Variants in HLF observed in about 807,000 individuals in gnomAD.
The protein encoded by HLF is hepatic leukemia factor.
HLF carries 3 observed loss-of-function variants against 22.6 expected under a neutral mutation model. That is an observed-to-expected ratio of 0.13 (90% CI 0.06 to 0.34). The LOEUF is 0.34. Ranked by LOEUF, HLF falls within the 10% of genes least tolerant of loss-of-function variation. The pLI, the probability that HLF is intolerant of heterozygous loss-of-function variation, is 1.00. For synonymous variants in HLF, 151 were observed against 151.8 expected (o/e 0.99, Z 0.04); for missense variants, 299 against 389.2 (o/e 0.77, Z 1.95).
chr17:55,309,886 C>G (rs193127887), intron 2 of HLF, among the ~76,000 whole-genome samples: 1 of 152,284 alleles, frequency 6.6e-6, no homozygotes, highest in East Asian at 1.9e-4. Flanking sequence ...GACTTTGATG[C>G]AGACATCAAT....
intron 2 of HLF, among the ~76,000 whole-genome samples, chr17:55,277,896 A>G (rs189987353): frequency 1.3e-5 from 2 of 152,318 alleles, no homozygotes; most frequent in African/African-American, 4.8e-5. Flanking sequence ...TGTGGTGGGT[A>G]CAGACTCCAT....
At chr17:55,270,698 T>C (rs2080844471) in intron 2 of HLF, among the ~76,000 whole-genome samples, 2 of 144,988 alleles carry the variant, frequency 1.4e-5, no homozygotes, top group Admixed American at 1.4e-4. Context: ...TCTCGCTCTG[T>C]CGCCCAGGCT....
rs1490953933 is a variant in HLF, at chr17:55,292,906, TG to T, written c.452-22320del. ...AAGCCATTCACAGGAAGACAAATAT[TG>T]TATGTTCTTATTCAAATTGGGAGCT... On this transcript the variant is annotated intron_variant, in intron 2 of 3. Coordinates refer to ENST00000226067, the MANE Select transcript of HLF (RefSeq NM_002126.5). 1.1e-3 allele frequency among the ~76,000 whole-genome samples: 173 copies of T among 152,274 alleles called. 2 individuals carry two copies. Among genetic ancestry groups the T allele is most frequent in the Non-Finnish European group, 1.8e-4 (12 of 68,032 alleles).
In HLF at chr17:55,265,567, A is replaced by G. The variant is rs1293787170; in HGVS notation, c.83A>G (p.Asn28Ser). 3 of 1,605,168 alleles carry G rather than the reference A, an allele frequency of 1.9e-6. No individual in the cohort carries two copies. Among genetic ancestry groups the G allele is most frequent in the Non-Finnish European group, 2.6e-6 (3 of 1,176,182 alleles). Residue 28 changes from asparagine (N) to serine (S), a missense_variant, in exon 1 of 4, where the codon AAC (asparagine) becomes AGC (serine). Physicochemically the swap from Asn to Ser is conservative, Grantham distance 46. Around this residue, in one of 3 missense-constraint regions of HLF, gnomAD observed 72 missense variants for 74.0 expected, o/e 0.97. Transcript: ENST00000226067. ...PYGVLRSLLENPLKLPLHHED... is the reference protein window; with the variant it reads ...PYGVLRSLLESPLKLPLHHED... ...GGCGTGCTCAGGTCCCTGCTGGAGA[A>G]CCCGCTGAAGCTCCCCCTTCACCAC... is the stretch of plus-strand genomic sequence containing the variant.
At chr17:55,285,321 T>C (rs2080994694) in intron 2 of HLF, among the ~76,000 whole-genome samples, 1 of 152,192 alleles carries the variant, frequency 6.6e-6, no homozygotes, top group African/African-American at 2.4e-5. Context: ...AGGACTTTGG[T>C]CTGTAGCCAC....
chr17:55,284,219 TAATC>T (rs1162296860), intron 2 of HLF, among the ~76,000 whole-genome samples: 1 of 152,198 alleles, frequency 6.6e-6, no homozygotes, highest in Non-Finnish European at 1.5e-5. Context: ...ACCAGGGAAA[TAATC>T]AACCAGTTGC....
At chr17:55,297,091 T>C (rs2081117602) in intron 2 of HLF, among the ~76,000 whole-genome samples, 1 of 152,220 alleles carries the variant, frequency 6.6e-6, no homozygotes, top group South Asian at 2.1e-4. Flanking sequence ...ATGTGGTTAA[T>C]TGGGAGAAAT....
intron 2 of HLF, among the ~76,000 whole-genome samples, chr17:55,284,739 G>A (rs884206): frequency 3.9e-5 from 6 of 152,024 alleles, no homozygotes; most frequent in African/African-American, 1.5e-4. Context: ...AAGTTACCTG[G>A]GTCCTGGTGC....
chr17:55,317,838 C>T (rs1057218052), intron 3 of HLF, among the ~76,000 whole-genome samples: 4 of 152,152 alleles, frequency 2.6e-5, no homozygotes, highest in Non-Finnish European at 4.4e-5. Flanking sequence ...AGCATGCATG[C>T]GCTGGAGAAA....
At chr17:55,298,497 A>G (rs1427879703) in intron 2 of HLF, among the ~76,000 whole-genome samples, 1 of 152,222 alleles carries the variant, frequency 6.6e-6, no homozygotes, top group Non-Finnish European at 1.5e-5. Flanking sequence ...AGGTTTCTCC[A>G]TAGACTACAT....
In HLF at chr17:55,315,368, G is replaced by A. The variant is rs756544740; in HGVS notation, c.593G>A (p.Arg198His). 33 of 1,613,992 alleles carry A rather than the reference G, an allele frequency of 2.0e-5. No homozygotes were observed. Among genetic ancestry groups the A allele is most frequent in the Non-Finnish European group, 2.7e-5 (32 of 1,180,008 alleles). Residue 198 changes from arginine (R) to histidine (H), a missense_variant, in exon 3 of 4, where the codon CGC becomes CAC. Coordinates refer to ENST00000226067, the MANE Select transcript of HLF (RefSeq NM_002126.5). ...CAGGAAATGTTTGACCCTCGCAAAC[G>A]CAAGTTCTCTGAGGAAGAACTGAAG... The part of the protein sequence containing the change: ...PGQEMFDPRK[R>H]KFSEEELKPQ...
At chr17:55,293,023 G>C (rs1034835875) in intron 2 of HLF, among the ~76,000 whole-genome samples, 6 of 152,162 alleles carry the variant, frequency 3.9e-5, no homozygotes, top group Non-Finnish European at 8.8e-5. Flanking sequence ...GATTTAGAGA[G>C]GTTAGTTAAG....
intron 2 of HLF, 136 bp downstream of exon 2, chr17:55,268,222 T>C: frequency 1.7e-6 from 1 of 600,510 alleles, no homozygotes; most frequent in Non-Finnish European, 2.8e-6. Context: ...TCTGCTCCAC[T>C]CCTGGCAGAG....
At position 55,322,921 on chromosome 17, in the gene HLF, T is replaced by A; in HGVS notation, c.*2042T>A. 4.4e-6 allele frequency: 1 copy of A among 225,878 alleles called. No homozygotes were observed. The highest frequency in any genetic ancestry group is 8.8e-6 in the Non-Finnish European group (1 of 113,410). 14.0% of individuals were successfully genotyped at this position (225,878 alleles called of 1,614,324 possible). A position where few individuals can be genotyped will look rare whatever the true frequency, so the allele number is the denominator to read the frequency against. ...TTTTGTTTCATTAAGTTGTAAAATG[T>A]CAAGAAATTCTGCTGTTACGACAAA... On this transcript the variant is annotated 3_prime_UTR_variant, in exon 4 of 4. Coordinates refer to ENST00000226067, the MANE Select transcript of HLF (RefSeq NM_002126.5).
chr17:55,304,105 G>T (rs541840048), intron 2 of HLF, among the ~76,000 whole-genome samples: 1 of 152,200 alleles, frequency 6.6e-6, no homozygotes, highest in Admixed American at 6.5e-5. Context: ...GCCCAGTGTT[G>T]CCAGACCTGA....
At position 55,288,949 on chromosome 17, in the gene HLF, C is replaced by A. The variant is rs1489174415; in HGVS notation, c.451+20863C>A. ...ATCACCTGTAAGAGTTCTTAAAACTCATCCCACAGGTTCTTAATTGGGATT... is the reference window on the plus strand; with the variant it reads ...ATCACCTGTAAGAGTTCTTAAAACTAATCCCACAGGTTCTTAATTGGGATT... On this transcript the variant is annotated intron_variant, in intron 2 of 3. Coordinates refer to ENST00000226067, the MANE Select transcript of HLF (RefSeq NM_002126.5). 4.1e-6 allele frequency: 4 copies of A among 985,018 alleles called. 1 individual carries two copies. The African/African-American group carries it at 7.0e-5, about 17-fold the overall frequency. 61.0% of individuals were successfully genotyped at this position (985,018 alleles called of 1,614,324 possible). A position where few individuals can be genotyped will look rare whatever the true frequency, so the allele number is the denominator to read the frequency against.
At chr17:55,267,707 TTTTC>T in intron 1 of HLF, 40 bp from the exon 2 acceptor site, 1 of 1,392,948 alleles carries the variant, frequency 7.2e-7, no homozygotes, top group Non-Finnish European at 9.8e-7. Context: ...ATTGTTTTTC[TTTTC>T]TTTCTTTTTT....
intron 2 of HLF, among the ~76,000 whole-genome samples, chr17:55,307,051 T>G (rs1349882762): frequency 1.3e-5 from 2 of 151,790 alleles, no homozygotes; most frequent in African/African-American, 4.8e-5. Flanking sequence ...AGCAACATGC[T>G]TTTACCTCCT....
intron 2 of HLF, among the ~76,000 whole-genome samples, chr17:55,286,617 A>T (rs571521794): frequency 6.6e-6 from 1 of 152,316 alleles, no homozygotes; most frequent in South Asian, 2.1e-4. Flanking sequence ...TTGGAATAAT[A>T]ATGACGTTTC....
Sources: allele counts gnomAD v4.1 joint callset (sites outside exome capture counted in the v4.1 genomes callset), GRCh38; gene constraint gnomAD v4.1.1; regional missense constraint gnomAD v4.1.1; transcripts MANE v1.5; gene names NCBI Gene and HGNC (gene_info 2026-07-23, HGNC 2026-07-21).